The following IST1 variants were observed in gnomAD, a reference collection of about 807,000 sequenced individuals.
IST1 encodes IST1 homolog.
A neutral mutation model predicts 37.0 loss-of-function variants in IST1; 23 were observed. The ratio of observed to expected loss-of-function variants is 0.62; its 90% CI spans 0.45 to 0.88. The LOEUF (loss-of-function observed/expected upper bound fraction) is 0.88. IST1 is among the 40% of genes least tolerant of loss of function. The pLI, the probability that IST1 is intolerant of heterozygous loss-of-function variation, is 0.00. For missense variants in IST1, 488 were observed against 445.4 expected, an observed-to-expected ratio of 1.10 and a Z score of -0.86; for synonymous variants, 180 against 161.7, an observed-to-expected ratio of 1.11 and a Z score of -0.86.
chr16:71,910,605 C>CAA (rs200536197), intron 1 of IST1, among the ~76,000 whole-genome samples: 122 of 91,188 alleles, frequency 1.3e-3, no homozygotes, highest in Non-Finnish European at 1.9e-3. Context: ...GACTCTGTCT[C>CAA]AAAAAAAAAA....
Position 71,929,382 on chromosome 16 carries a change from G to T in IST1, c.*1569G>T. On this transcript the variant is annotated 3_prime_UTR_variant, in exon 10 of 10. Transcript: ENST00000378799. Reference sequence around the variant, plus strand: ...ATTCTTGCATTGTTAATCCTATCTTGACAGTGCCAAGATCCATAAGAACTT... The same window carrying T: ...ATTCTTGCATTGTTAATCCTATCTTTACAGTGCCAAGATCCATAAGAACTT... The T allele has an allele frequency of 1.4e-6, 1 of 703,894 alleles. No individual in the cohort carries two copies. Among genetic ancestry groups the T allele is most frequent in the Non-Finnish European group, 2.2e-6 (1 of 447,660 alleles). The allele number at this position is 703,894 out of a possible 1,614,324, so 43.6% of individuals were successfully genotyped here. A position where few individuals can be genotyped will look rare whatever the true frequency, so the allele number is the denominator to read the frequency against.
rs1442393013 is a variant in IST1, at chr16:71,927,514, A to G, written c.902-100A>G. On this transcript the variant is annotated intron_variant, in intron 9 of 9. Coordinates refer to ENST00000378799, the MANE Select transcript of IST1 (RefSeq NM_001270975.2). ...AAAAAAAAAAAAAAGTTTGTGAACT[A>G]AGGTTTTCTCCTGTGTTTTGATCAT... The G allele has an allele frequency of 1.3e-5, 11 of 869,266 alleles. No homozygotes were observed. In the East Asian group the frequency reaches 2.0e-4, roughly 15 times the overall value. 53.8% of individuals were successfully genotyped at this position (869,266 alleles called of 1,614,324 possible).
intron 9 of IST1, 114 bp downstream of exon 9, chr16:71,924,931 G>T: frequency 5.6e-6 from 4 of 715,220 alleles, no homozygotes; most frequent in Non-Finnish European, 9.9e-6. Flanking sequence ...CTATCTGCAT[G>T]CCCTGTTCTC....
rs1304114384 is a variant in IST1 at position 71,929,870 on chromosome 16, G to T, written c.*2057G>T. ...AACTATTTATAGGACAATGGCTATA[G>T]AATATTATGTAGTCTTATAAATTGG... On this transcript the variant is annotated 3_prime_UTR_variant, in exon 10 of 10. Transcript: ENST00000378799. The T allele has an allele frequency of 3.1e-6, 3 of 977,612 alleles. No individual in the cohort carries two copies. The highest frequency in any genetic ancestry group is 4.4e-6 in the Non-Finnish European group (3 of 679,156). 60.6% of individuals were successfully genotyped at this position (977,612 alleles called of 1,614,324 possible).
intron 6 of IST1, chr16:71,921,808 CACAGAAAGCTG>C (rs1447585375): frequency 7.6e-5 from 17 of 223,464 alleles, no homozygotes; most frequent in Non-Finnish European, 1.5e-4. Context: ...TCTGATAGTG[CACAGAAAGCTG>C]AGGATACAGG....
intron 4 of IST1, 27 bp from the exon 5 acceptor site, chr16:71,920,712 T>C (rs770219643): frequency 7.7e-5 from 121 of 1,565,172 alleles, no homozygotes; most frequent in Non-Finnish European, 1.0e-4. Context: ...GGTCTCTATT[T>C]TTATTTGCTG....
Position 71,905,410 on chromosome 16 carries a change from C to G in IST1, c.-16+9821C>G, listed in dbSNP as rs538842216. On this transcript the variant is annotated intron_variant, in intron 1 of 9. Coordinates refer to ENST00000378799, the MANE Select transcript of IST1 (RefSeq NM_001270975.2). ...TTTTTTTTTTTTTGAGACAGTTTCA[C>G]TCTCGTTGCCCAGGCTGGAGTGCGA... 2.7e-5 allele frequency among the ~76,000 whole-genome samples: 4 copies of G among 147,610 alleles called. No individual in the cohort carries two copies. The East Asian group carries it at 8.2e-4, about 30-fold the overall frequency.
At position 71,922,508 on chromosome 16, in the gene IST1, T is replaced by C. The variant is rs567763650; in HGVS notation, c.587T>C (p.Ile196Thr). The change falls in exon 7 of 10, where the codon ATT (isoleucine) becomes ACT (threonine). Residue 196 changes from isoleucine to threonine, a missense_variant. By Grantham distance (89) the Ile-to-Thr change is moderately conservative (BLOSUM62 -1). Coordinates refer to ENST00000378799, the MANE Select transcript of IST1 (RefSeq NM_001270975.2). ...CCTCCTGGGGTAGAGACAGATCTTA[T>C]TGATGTTGGATTCACAGATGATGTG... is the stretch of plus-strand genomic sequence containing the variant. ...EAPPGVETDLIDVGFTDDVKK... is the reference protein window; with the variant it reads ...EAPPGVETDLTDVGFTDDVKK... 1.3e-5 allele frequency: 21 copies of C among 1,614,048 alleles called. No homozygotes were observed. The highest frequency in any genetic ancestry group is 1.1e-4 in the South Asian group (10 of 91,080).
intron 1 of IST1, among the ~76,000 whole-genome samples, chr16:71,902,787 CCTTTT>C (rs1164236480): frequency 6.6e-6 from 1 of 151,978 alleles, no homozygotes; most frequent in Non-Finnish European, 1.5e-5. Flanking sequence ...TTTATATGTT[CCTTTT>C]CTTTGTGAGT....
chr16:71,929,396 C>G lies in IST1; in HGVS notation c.*1583C>G. The G allele has an allele frequency of 1.3e-6, 1 of 799,218 alleles. No individual in the cohort carries two copies. Among genetic ancestry groups the G allele is most frequent in the South Asian group, 2.1e-5 (1 of 47,474 alleles). The allele number at this position is 799,218 out of a possible 1,614,324, so 49.5% of individuals were successfully genotyped here. On this transcript the variant is annotated 3_prime_UTR_variant, in exon 10 of 10. Coordinates refer to ENST00000378799, the MANE Select transcript of IST1 (RefSeq NM_001270975.2). ...AATCCTATCTTGACAGTGCCAAGAT[C>G]CATAAGAACTTGGGACCAAGGGGAT... is the stretch of plus-strand genomic sequence containing the variant.
rs2037816846 is a variant in IST1 at position 71,928,837 on chromosome 16, T to C, written c.*1024T>C. On this transcript the variant is annotated 3_prime_UTR_variant, in exon 10 of 10. Coordinates refer to ENST00000378799, the MANE Select transcript of IST1 (RefSeq NM_001270975.2). Reference sequence around the variant, plus strand: ...TAACTTCTGTTACTCCTTTGGCCCATAGCTAAGGTCATCCTTCCCCACAGG... The same window carrying C: ...TAACTTCTGTTACTCCTTTGGCCCACAGCTAAGGTCATCCTTCCCCACAGG... 6.6e-6 allele frequency: 1 copy of C among 152,250 alleles called. No homozygotes were observed. 9.4% of individuals were successfully genotyped at this position (152,250 alleles called of 1,614,324 possible). A position where few individuals can be genotyped will look rare whatever the true frequency, so the allele number is the denominator to read the frequency against.
At chr16:71,895,084 C>A, upstream of IST1, 1 of 403,834 alleles carries the variant, frequency 2.5e-6, no homozygotes, top group Admixed American at 4.3e-5. Flanking sequence ...TCGAAACCCC[C>A]TCGGCCGCTC....
chr16:71,907,433 A>C (rs1455668597), intron 1 of IST1, among the ~76,000 whole-genome samples: 2 of 151,572 alleles, frequency 1.3e-5, no homozygotes, highest in Non-Finnish European at 2.9e-5. Context: ...ACCCGCCACC[A>C]CGCCCGGCTA....
chr16:71,900,289 T>A (rs981545905), intron 1 of IST1, among the ~76,000 whole-genome samples: 2 of 151,696 alleles, frequency 1.3e-5, no homozygotes, highest in African/African-American at 4.8e-5. Flanking sequence ...CTTCGTACTT[T>A]TAGAGCTACA....
chr16:71,896,434 C>G (rs1020839884), intron 1 of IST1, among the ~76,000 whole-genome samples: 3 of 152,028 alleles, frequency 2.0e-5, no homozygotes. Context: ...TGGAAAATTT[C>G]AAGCAGACAG....
chr16:71,929,359 T>A lies in IST1; in HGVS notation c.*1546T>A. 1.7e-6 allele frequency: 1 copy of A among 578,916 alleles called. No homozygotes were observed. The highest frequency in any genetic ancestry group is 3.1e-5 in the East Asian group (1 of 32,042). The allele number at this position is 578,916 out of a possible 1,614,324, so 35.9% of individuals were successfully genotyped here. On this transcript the variant is annotated 3_prime_UTR_variant, in exon 10 of 10. Coordinates refer to ENST00000378799, the MANE Select transcript of IST1 (RefSeq NM_001270975.2). The stretch of plus-strand genomic sequence containing the variant: ...GCAGAGCTAGTTTGTCTCGTAGTAT[T>A]CTTGCATTGTTAATCCTATCTTGAC...
intron 1 of IST1, among the ~76,000 whole-genome samples, chr16:71,899,062 C>T (rs550545149): frequency 6.6e-6 from 1 of 151,742 alleles, no homozygotes; most frequent in African/African-American, 2.4e-5. Context: ...GATGAAGATA[C>T]TTTCTTTATG....
At position 71,928,196 on chromosome 16, in the gene IST1, C is replaced by T; in HGVS notation, c.*383C>T. 3.9e-6 allele frequency: 1 copy of T among 256,978 alleles called. No homozygotes were observed. Among genetic ancestry groups the T allele is most frequent in the Non-Finnish European group, 7.7e-6 (1 of 130,486 alleles). 15.9% of individuals were successfully genotyped at this position (256,978 alleles called of 1,614,324 possible). On this transcript the variant is annotated 3_prime_UTR_variant, in exon 10 of 10. Transcript: ENST00000378799. Reference sequence around the variant, plus strand: ...GAGAGCACGTTGTGAAGCATCCCAGCCTCGTGTTGAGGTTCCAGACTTAGA... The same window carrying T: ...GAGAGCACGTTGTGAAGCATCCCAGTCTCGTGTTGAGGTTCCAGACTTAGA...
Position 71,930,257 on chromosome 16 carries a change from G to C in IST1, c.*2444G>C. 2 of 1,380,664 alleles carry C rather than the reference G, an allele frequency of 1.4e-6. No homozygotes were observed. The highest frequency in any genetic ancestry group is 2.5e-5 in the East Asian group (1 of 39,256). The allele number at this position is 1,380,664 out of a possible 1,614,324, so 85.5% of individuals were successfully genotyped here. A position where few individuals can be genotyped will look rare whatever the true frequency, so the allele number is the denominator to read the frequency against. On this transcript the variant is annotated 3_prime_UTR_variant, in exon 10 of 10. Transcript: ENST00000378799. ...CTTTACAAACATAAGCTATATGCTA[G>C]TGTTTGGGATCTTATCAGAAGAAAA...
Sources: allele counts gnomAD v4.1 joint callset (sites outside exome capture counted in the v4.1 genomes callset), GRCh38; gene constraint gnomAD v4.1.1; transcripts MANE v1.5; gene names NCBI Gene and HGNC (gene_info 2026-07-23, HGNC 2026-07-21).